The following PCDH15 variants were observed in gnomAD, a reference collection of about 807,000 sequenced individuals.
The protein encoded by PCDH15 is protocadherin related 15.
Under a neutral mutation model 178.5 loss-of-function variants are expected in PCDH15, and 129 were observed. The ratio of observed to expected loss-of-function variants is 0.72; its 90% confidence interval spans 0.63 to 0.84. The LOEUF (loss-of-function observed/expected upper bound fraction) is 0.84, where lower values mean the gene tolerates loss of function less well. Ranked by LOEUF, PCDH15 falls within the 40% of genes least tolerant of loss-of-function variation. The pLI is 0.00. For missense variants in PCDH15, 2,230 were observed against 2,099.9 expected (o/e 1.06, Z -1.21); for synonymous variants, 800 against 732.0 (o/e 1.09, Z -1.50).
intron 3 of PCDH15, among the ~76,000 whole-genome samples, chr10:54,523,866 T>C (rs1326461914): frequency 6.6e-6 from 1 of 151,954 alleles, no homozygotes; most frequent in Non-Finnish European, 1.5e-5. Flanking sequence ...ATGGAAGAAA[T>C]GAAATAACTG....
intron 15 of PCDH15, among the ~76,000 whole-genome samples, chr10:54,117,098 C>A (rs1289675253): frequency 6.6e-6 from 1 of 152,110 alleles, no homozygotes; most frequent in East Asian, 1.9e-4. Flanking sequence ...TCCACCTATG[C>A]AGCCTGACAA....
intron 1 of PCDH15, among the ~76,000 whole-genome samples, chr10:54,754,366 G>A (rs1042971477): frequency 5.3e-5 from 8 of 151,990 alleles, no homozygotes; most frequent in East Asian, 1.9e-4. Context: ...AGATAGACTC[G>A]TTCCATGATT....
chr10:53,903,162 A>C, intron 26 of PCDH15, 81 bp downstream of exon 26: 1 of 1,512,412 alleles, frequency 6.6e-7, no homozygotes, highest in Non-Finnish European at 9.1e-7. Context: ...GTATGCAGTT[A>C]ATGCAAACTA....
intron 2 of PCDH15, among the ~76,000 whole-genome samples, chr10:55,493,755 T>C (rs918932640): frequency 7.9e-5 from 12 of 151,848 alleles, no homozygotes; most frequent in East Asian, 5.8e-4. Flanking sequence ...ATAAAATATG[T>C]TGGAGGAAAT....
intron 2 of PCDH15, among the ~76,000 whole-genome samples, chr10:55,012,035 T>C (rs1359766825): frequency 1.3e-5 from 2 of 152,128 alleles, no homozygotes; most frequent in Non-Finnish European, 2.9e-5. Context: ...ATTTCTCCCT[T>C]GGCACGAAGT....
At chr10:54,980,767 T>C (rs1374014372) in intron 2 of PCDH15, among the ~76,000 whole-genome samples, 3 of 152,066 alleles carry the variant, frequency 2.0e-5, no homozygotes, top group African/African-American at 4.8e-5. Context: ...CAAATTTAGG[T>C]GTATTTTTCT....
intron 1 of PCDH15, among the ~76,000 whole-genome samples, chr10:54,707,712 T>C (rs940624510): frequency 1.1e-4 from 17 of 152,196 alleles, no homozygotes; most frequent in Admixed American, 9.8e-4. Context: ...CATGAAAAAC[T>C]GGCTATTTCA....
intron 1 of PCDH15, among the ~76,000 whole-genome samples, chr10:54,699,840 A>G (rs900954408): frequency 1.3e-5 from 2 of 152,146 alleles, no homozygotes; most frequent in African/African-American, 4.8e-5. Flanking sequence ...CTTTGTAAAG[A>G]AAATACATTT....
intron 3 of PCDH15, among the ~76,000 whole-genome samples, chr10:54,809,186 T>G (rs1564527590): frequency 6.6e-6 from 1 of 152,170 alleles, no homozygotes; most frequent in East Asian, 1.9e-4. Flanking sequence ...ATTCTAAAAT[T>G]GCCATTGATT....
At chr10:55,571,772 A>C (rs1010873740) in intron 2 of PCDH15, among the ~76,000 whole-genome samples, 1 of 152,104 alleles carries the variant, frequency 6.6e-6, no homozygotes, top group African/African-American at 2.4e-5. Flanking sequence ...AGATAGTGAG[A>C]AAGATAGTAG....
intron 3 of PCDH15, among the ~76,000 whole-genome samples, chr10:54,386,773 C>T (rs1202300540): frequency 6.6e-6 from 1 of 152,176 alleles, no homozygotes; most frequent in Non-Finnish European, 1.5e-5. Flanking sequence ...AACCACCTCA[C>T]ATTCATTAGG....
rs559075304 is a variant in PCDH15, at chr10:54,117,016, C to T, written c.1917+15859G>A. 2.0e-5 allele frequency among the ~76,000 whole-genome samples: 3 copies of T among 152,250 alleles called. No homozygotes were observed. The South Asian group carries it at 6.2e-4, about 32-fold the overall frequency. On this transcript the variant is annotated intron_variant, in intron 15 of 37. Coordinates refer to ENST00000644397, the MANE Select transcript of PCDH15 (RefSeq NM_001384140.1). Reference sequence around the variant, plus strand: ...AAGTATCACAGGAGCTTTGGTGTTGCTTCGCCAGCTGGAAACTTCTGCGGC... The same window carrying T: ...AAGTATCACAGGAGCTTTGGTGTTGTTTCGCCAGCTGGAAACTTCTGCGGC...
chr10:54,203,598 T>C (rs189246352), intron 10 of PCDH15, among the ~76,000 whole-genome samples: 71 of 152,248 alleles, frequency 4.7e-4, no homozygotes, highest in African/African-American at 1.4e-3. Context: ...TTCTGAGTAA[T>C]AGTATATTCC....
intron 3 of PCDH15, among the ~76,000 whole-genome samples, chr10:54,519,922 A>C (rs1204308866): frequency 6.6e-6 from 1 of 152,200 alleles, no homozygotes; most frequent in South Asian, 2.1e-4. Flanking sequence ...ATCTACAACT[A>C]TCTGATCTTT....
chr10:55,466,741 A>G (rs547538384), intron 2 of PCDH15, among the ~76,000 whole-genome samples: 8 of 152,290 alleles, frequency 5.3e-5, no homozygotes, highest in African/African-American at 1.9e-4. Flanking sequence ...TCACCTAGGA[A>G]AGAATATAAC....
At chr10:55,463,725 C>T (rs929956294) in intron 2 of PCDH15, among the ~76,000 whole-genome samples, 8 of 151,776 alleles carry the variant, frequency 5.3e-5, no homozygotes, top group South Asian at 2.1e-4. Context: ...TTTTCAACTG[C>T]GTCAAACTCA....
intron 21 of PCDH15, among the ~76,000 whole-genome samples, chr10:53,992,312 T>C (rs1430264348): frequency 6.6e-6 from 1 of 152,194 alleles, no homozygotes; most frequent in East Asian, 1.9e-4. Context: ...CTTTAAGAAC[T>C]GTAACACTCA....
chr10:54,731,545 G>GATATATATATATATATATATATAT (rs1167781763), intron 1 of PCDH15, among the ~76,000 whole-genome samples: 69 of 80,240 alleles, frequency 8.6e-4, no homozygotes, highest in African/African-American at 2.6e-3. Context: ...ATGTGAGATA[G>GATATATATATATATATATATATAT]ATATATATAT....
intron 14 of PCDH15, among the ~76,000 whole-genome samples, chr10:54,146,007 G>A (rs1292812163): frequency 6.6e-6 from 1 of 151,888 alleles, no homozygotes; most frequent in African/African-American, 2.4e-5. Flanking sequence ...ATTTACCTGT[G>A]CCTGCATCTG....
Sources: gnomAD v4.1 joint callset for allele counts (sites outside exome capture counted in the v4.1 genomes callset) on GRCh38, gnomAD v4.1.1 for gene constraint, MANE v1.5 for transcripts, NCBI Gene and HGNC (gene_info 2026-07-23, HGNC 2026-07-21) for gene names.